Variants in OPHN1 observed in about 807,000 individuals in gnomAD.
The protein encoded by OPHN1 is oligophrenin 1.
OPHN1 carries 11 observed loss-of-function variants against 60.7 expected under a neutral mutation model. That is an observed-to-expected ratio of 0.18 (90% CI 0.11 to 0.30). The LOEUF (loss-of-function observed/expected upper bound fraction) is 0.30, where lower values mean the gene tolerates loss of function less well. Ranked by LOEUF, OPHN1 falls within the 10% of genes least tolerant of loss-of-function variation. OPHN1 has a pLI of 1.00. For synonymous variants in OPHN1, 226 were observed against 222.6 expected (o/e 1.02, Z -0.14); for missense variants, 449 against 611.0 (o/e 0.73, Z 2.80).
chrX:68,100,876 A>C (rs1040562105), intron 18 of OPHN1, among the ~76,000 whole-genome samples: 1 of 110,270 alleles, frequency 9.1e-6, no homozygotes, highest in African/African-American at 3.3e-5. Flanking sequence ...CCTCCCGAGT[A>C]GCTGGGACTA....
At chrX:68,244,363 G>C (rs766419009) in intron 5 of OPHN1, among the ~76,000 whole-genome samples, 1 of 112,137 alleles carries the variant, frequency 8.9e-6, no homozygotes, top group East Asian at 2.8e-4. Context: ...AGCATTTATT[G>C]CATTTGTTGC....
intron 15 of OPHN1, among the ~76,000 whole-genome samples, chrX:68,156,346 A>C (rs1378176192): frequency 9.1e-6 from 1 of 110,088 alleles, no homozygotes; most frequent in African/African-American, 3.3e-5. Flanking sequence ...TAATTTGAAA[A>C]AAAAAAGATA....
chrX:68,309,802 T>G (rs2078164279), intron 2 of OPHN1, among the ~76,000 whole-genome samples: 1 of 112,083 alleles, frequency 8.9e-6, no homozygotes, highest in Admixed American at 9.5e-5. Context: ...TTCTTGTTGA[T>G]GGGTTAGCTG....
At chrX:68,194,617 G>T in intron 12 of OPHN1, 119 bp from the exon 13 acceptor site, 2 of 648,988 alleles carry the variant, frequency 3.1e-6, no homozygotes, top group South Asian at 2.5e-5. Flanking sequence ...GAAACTCCAG[G>T]ATGTTAAAAA....
intron 2 of OPHN1, among the ~76,000 whole-genome samples, chrX:68,341,657 A>G (rs1256111495): frequency 1.8e-5 from 2 of 110,505 alleles, no homozygotes; most frequent in Non-Finnish European, 3.8e-5. Flanking sequence ...AACACAGGGA[A>G]ACCCCGTCTC....
At chrX:68,216,831 C>G (rs1047648389) in intron 6 of OPHN1, among the ~76,000 whole-genome samples, 1 of 111,582 alleles carries the variant, frequency 9.0e-6, no homozygotes, top group Non-Finnish European at 1.9e-5. Flanking sequence ...ACGACATGAA[C>G]AGACATTTTT....
intron 2 of OPHN1, among the ~76,000 whole-genome samples, chrX:68,346,279 A>G (rs1380089707): frequency 4.5e-5 from 5 of 112,161 alleles, no homozygotes; most frequent in Non-Finnish European, 9.4e-5. Context: ...TCCTCTGAGC[A>G]CTGAATGAAA....
At chrX:68,163,364 T>C (rs1307055738) in intron 15 of OPHN1, among the ~76,000 whole-genome samples, 2 of 110,683 alleles carry the variant, frequency 1.8e-5, no homozygotes, top group Non-Finnish European at 3.8e-5. Flanking sequence ...ATCATTATGA[T>C]GTTCATCCAT....
At chrX:68,230,265 C>A (rs1345306176) in intron 6 of OPHN1, among the ~76,000 whole-genome samples, 1 of 111,406 alleles carries the variant, frequency 9.0e-6, no homozygotes, top group Non-Finnish European at 1.9e-5. Flanking sequence ...CAGGAAACAA[C>A]AGGTGCTGGA....
intron 15 of OPHN1, among the ~76,000 whole-genome samples, chrX:68,155,049 A>G (rs2077303324): frequency 9.0e-6 from 1 of 110,926 alleles, no homozygotes; most frequent in Non-Finnish European, 1.9e-5. Flanking sequence ...AAGATCAAGT[A>G]GAGAGGCAAA....
rs1399228430 is a variant in OPHN1, at chrX:68,082,248, C to T, written c.1687-8949G>A. 3.6e-5 allele frequency among the ~76,000 whole-genome samples: 4 copies of T among 111,965 alleles called. No individual in the cohort carries two copies. In the Admixed American group the frequency reaches 3.8e-4, roughly 11 times the overall value. ...AAGGTTGTAATTAACTTTTTCAAAC[C>T]TCTGTTATTTTGTTGATATTTTGAC... On this transcript the variant is annotated intron_variant, in intron 19 of 24. Transcript: ENST00000355520.
Position 68,063,837 on chromosome X carries a change from G to T in OPHN1, c.2158+17C>A. The T allele has an allele frequency of 8.8e-7, 1 of 1,140,121 alleles. No individual in the cohort carries two copies. The highest frequency in any genetic ancestry group is 1.2e-6 in the Non-Finnish European group (1 of 855,924). 94.0% of individuals were successfully genotyped at this position (1,140,121 alleles called of 1,213,427 possible). On this transcript the variant is annotated intron_variant, in intron 21 of 24. Coordinates refer to ENST00000355520, the MANE Select transcript of OPHN1 (RefSeq NM_002547.3). Reference sequence around the variant, plus strand: ...TTAGGGTCAGCTCTGGCTCCCATGGGATTCCCAAGCACTTACCCTCCTTGT... The same window carrying T: ...TTAGGGTCAGCTCTGGCTCCCATGGTATTCCCAAGCACTTACCCTCCTTGT...
intron 2 of OPHN1, among the ~76,000 whole-genome samples, chrX:68,312,999 G>C (rs2078181245): frequency 9.0e-6 from 1 of 111,051 alleles, no homozygotes; most frequent in African/African-American, 3.3e-5. Context: ...AGCTACTTGG[G>C]AGGCTAAGGC....
intron 15 of OPHN1, among the ~76,000 whole-genome samples, chrX:68,127,152 G>C (rs1471897393): frequency 9.0e-6 from 1 of 111,307 alleles, no homozygotes; most frequent in Non-Finnish European, 1.9e-5. Flanking sequence ...TCCATAAAAA[G>C]AGTTATTAGG....
intron 6 of OPHN1, among the ~76,000 whole-genome samples, chrX:68,217,121 G>A (rs1051771170): frequency 6.2e-5 from 7 of 112,054 alleles, no homozygotes; most frequent in African/African-American, 1.6e-4. Context: ...CTTGGGAAGC[G>A]CAAGGGGTCA....
chrX:68,189,118 T>C (rs761854123), intron 15 of OPHN1, among the ~76,000 whole-genome samples: 1 of 111,868 alleles, frequency 8.9e-6, no homozygotes, highest in Admixed American at 9.5e-5. Flanking sequence ...AACACTTTCC[T>C]GTTTATGGCT....
chrX:68,380,862 C>G (rs2078592905), intron 2 of OPHN1, among the ~76,000 whole-genome samples: 1 of 111,356 alleles, frequency 9.0e-6, no homozygotes, highest in Non-Finnish European at 1.9e-5. Flanking sequence ...ATGTGGTCAC[C>G]TTCTCAAATA....
intron 6 of OPHN1, among the ~76,000 whole-genome samples, chrX:68,228,853 A>G (rs1327057961): frequency 1.8e-5 from 2 of 110,790 alleles, no homozygotes; most frequent in Admixed American, 1.9e-4. Flanking sequence ...AACTGGCACA[A>G]GACAGGGATG....
intron 20 of OPHN1, among the ~76,000 whole-genome samples, chrX:68,068,035 C>T (rs2076919390): frequency 1.8e-5 from 2 of 111,693 alleles, no homozygotes; most frequent in South Asian, 3.8e-4. Flanking sequence ...ATACCTACCT[C>T]GCATGGGAGT....
Sources: gnomAD v4.1 joint callset for allele counts (sites outside exome capture counted in the v4.1 genomes callset) on GRCh38, gnomAD v4.1.1 for gene constraint, MANE v1.5 for transcripts, NCBI Gene and HGNC (gene_info 2026-07-23, HGNC 2026-07-21) for gene names.